Variants in ZMYND12 observed in about 807,000 individuals in gnomAD.
ZMYND12 encodes zinc finger MYND-type containing 12, also known as zinc finger MYND domain-containing protein 12.
Under a neutral mutation model 41.7 loss-of-function variants are expected in ZMYND12, and 32 were observed. The observed-to-expected ratio is 0.77, with a 90% CI of 0.58 to 1.03. The LOEUF is 1.03. Ranked by LOEUF, ZMYND12 falls within the 50% of genes least tolerant of loss-of-function variation. The pLI is 0.00. For missense variants in ZMYND12, 424 were observed against 438.5 expected (o/e 0.97, Z 0.30); for synonymous variants, 148 against 164.8 (o/e 0.90, Z 0.78).
At chr1:42,448,436 G>T in intron 3 of ZMYND12, 31 bp downstream of exon 3, 1 of 1,546,552 alleles carries the variant, frequency 6.5e-7, no homozygotes, top group South Asian at 1.2e-5. Flanking sequence ...CCACTTAAGG[G>T]ATCCAAGGAT....
intron 2 of ZMYND12, 46 bp from the exon 3 acceptor site, chr1:42,448,684 G>A: frequency 6.5e-7 from 1 of 1,540,878 alleles, no homozygotes; most frequent in East Asian, 2.4e-5. Context: ...TAAAGTTAAA[G>A]GCAAAGGTGG....
Position 42,430,714 on chromosome 1 carries a change from T to C in ZMYND12, c.*22A>G. ...TCTTCAGTAGCCCCTGGAATAACCCTTGATGCAGAGCTCATGGGTCACTAA... is the reference window on the plus strand; with the variant it reads ...TCTTCAGTAGCCCCTGGAATAACCCCTGATGCAGAGCTCATGGGTCACTAA... On this transcript the variant is annotated 3_prime_UTR_variant, in exon 8 of 8. Transcript: ENST00000372565. The C allele has an allele frequency of 6.2e-7, 1 of 1,612,830 alleles. No homozygotes were observed. Among genetic ancestry groups the C allele is most frequent in the Non-Finnish European group, 8.5e-7 (1 of 1,178,906 alleles).
intron 5 of ZMYND12, among the ~76,000 whole-genome samples, chr1:42,436,152 C>A (rs144727220): frequency 2.0e-5 from 3 of 152,300 alleles, no homozygotes; most frequent in Admixed American, 6.5e-5. Flanking sequence ...AACAGTCTAT[C>A]TGAAGGGGTT....
At position 42,448,487 on chromosome 1, in the gene ZMYND12, A is replaced by C; in HGVS notation, c.404T>G (p.Leu135Arg). Residue 135 changes from leucine (L) to arginine (R), a missense_variant, in exon 3 of 8, where the codon CTG (leucine) becomes CGG (arginine). Leu to Arg is a moderately radical substitution (Grantham distance 102). Transcript: ENST00000372565. Reference protein sequence around the residue: ...SSVELVPAYLLLAEASLGLGR... With the variant: ...SSVELVPAYLRLAEASLGLGR... ...CTCACCAAGGCTGGCCTCGGCCAACAGCAGGTAAGCAGGCACAAGCTCTAC... is the reference window on the plus strand; with the variant it reads ...CTCACCAAGGCTGGCCTCGGCCAACCGCAGGTAAGCAGGCACAAGCTCTAC... 1 of 1,601,836 alleles carries C rather than the reference A, an allele frequency of 6.2e-7. No individual in the cohort carries two copies. The highest frequency in any genetic ancestry group is 8.5e-7 in the Non-Finnish European group (1 of 1,173,558).
rs1557765527 is a variant in ZMYND12 at position 42,433,162 on chromosome 1, A to G, written c.956T>C (p.Leu319Pro). 6.2e-7 allele frequency: 1 copy of G among 1,609,730 alleles called. No homozygotes were observed. Among genetic ancestry groups the G allele is most frequent in the Non-Finnish European group, 8.5e-7 (1 of 1,178,602 alleles). The change falls in exon 7 of 8, where the codon CTG becomes CCG. Residue 319 changes from leucine (L) to proline (P), a missense_variant. By Grantham distance (98) the Leu-to-Pro change is moderately conservative (BLOSUM62 -3). Transcript: ENST00000372565. ...ACTTGCCTTTGAAGAATTCATCATC[A>G]GGTAGTAAAACATGACCAGGATCTT... ...VLKILVMFYY[L>P]MMNSSKAQEY...
chr1:42,436,389 T>C, intron 5 of ZMYND12, 32 bp downstream of exon 5: 1 of 1,611,148 alleles, frequency 6.2e-7, no homozygotes, highest in Non-Finnish European at 8.5e-7. Context: ...AGCCTAAGAG[T>C]GAAGGCTCAG....
chr1:42,439,624 G>T (rs1642945661), intron 4 of ZMYND12, among the ~76,000 whole-genome samples: 1 of 152,132 alleles, frequency 6.6e-6, no homozygotes, highest in Non-Finnish European at 1.5e-5. Context: ...CAGGGCAACT[G>T]AAACTTCAGG....
chr1:42,448,542 A>C lies in ZMYND12; in HGVS notation c.349T>G (p.Phe117Val), dbSNP rs779489917. Residue 117 changes from phenylalanine (F) to valine (V), a missense_variant, in exon 3 of 8, where the codon TTC (phenylalanine) becomes GTC (valine). Phe to Val is a conservative substitution (Grantham distance 50). Transcript: ENST00000372565. ...AVPAALQSLR[F>V]RVKLYGLSSV... Reference sequence around the variant, plus strand: ...CTCAGGCCATACAGCTTCACACGGAAGCGAAGGGACTGCAAAGCTGCTGGT... The same window carrying C: ...CTCAGGCCATACAGCTTCACACGGACGCGAAGGGACTGCAAAGCTGCTGGT... 2 of 1,613,962 alleles carry C rather than the reference A, an allele frequency of 1.2e-6. No individual in the cohort carries two copies. The highest frequency in any genetic ancestry group is 2.2e-5 in the South Asian group (2 of 91,022).
chr1:42,432,083 A>C lies in ZMYND12; in HGVS notation c.975+1060T>G, dbSNP rs144304109. On this transcript the variant is annotated intron_variant, in intron 7 of 7. Coordinates refer to ENST00000372565, the MANE Select transcript of ZMYND12 (RefSeq NM_032257.5). ...TTCTTTTTTTTTTTTTTGAGACAGGATCTTGCTCTGTCACCCAGGCTAGAG... is the reference window on the plus strand; with the variant it reads ...TTCTTTTTTTTTTTTTTGAGACAGGCTCTTGCTCTGTCACCCAGGCTAGAG... Among the ~76,000 whole-genome samples the C allele has an allele frequency of 5.6e-3, 700 of 125,210 alleles. 7 individuals carry two copies. Among genetic ancestry groups the C allele is most frequent in the African/African-American group, 0.018 (578 of 32,990 alleles). The allele number at this position is 125,210 out of a possible 152,430, so 82.1% of individuals were successfully genotyped here. A position where few individuals can be genotyped will look rare whatever the true frequency, so the allele number is the denominator to read the frequency against.
At chr1:42,444,863 A>G (rs1222595044) in intron 3 of ZMYND12, among the ~76,000 whole-genome samples, 5 of 92,580 alleles carry the variant, frequency 5.4e-5, no homozygotes, top group African/African-American at 2.4e-4. Flanking sequence ...GGAGTGCAGT[A>G]GTGGTGCGAT....
At chr1:42,453,701 C>T (rs61378528) in intron 1 of ZMYND12, among the ~76,000 whole-genome samples, 1,850 of 152,294 alleles carry the variant, frequency 0.012, 32 homozygotes, top group African/African-American at 0.041. Context: ...GAATCTTTCC[C>T]AAGCCTGAGT....
intron 6 of ZMYND12, among the ~76,000 whole-genome samples, chr1:42,434,759 C>T (rs774611686): frequency 6.6e-6 from 1 of 151,842 alleles, no homozygotes; most frequent in Non-Finnish European, 1.5e-5. Context: ...AAGCTCAGGG[C>T]TCCCACTGAT....
chr1:42,446,634 A>T (rs11210646), intron 3 of ZMYND12, among the ~76,000 whole-genome samples: 286 of 148,584 alleles, frequency 1.9e-3, no homozygotes, highest in Non-Finnish European at 3.2e-3. Flanking sequence ...CCTGGGTGAC[A>T]GAGTGAGACT....
chr1:42,439,212 A>G (rs953722171), intron 4 of ZMYND12, among the ~76,000 whole-genome samples: 1 of 136,320 alleles, frequency 7.3e-6, no homozygotes, highest in African/African-American at 2.8e-5. Flanking sequence ...CAAATTTTCC[A>G]AGACGATGTG....
chr1:42,441,058 G>T (rs796500720), intron 3 of ZMYND12, among the ~76,000 whole-genome samples: 1 of 152,158 alleles, frequency 6.6e-6, no homozygotes, highest in Non-Finnish European at 1.5e-5. Context: ...CCCTTTCTGT[G>T]CCAGGCCTTG....
intron 1 of ZMYND12, among the ~76,000 whole-genome samples, chr1:42,453,112 TC>T (rs1181444515): frequency 6.6e-6 from 1 of 152,104 alleles, no homozygotes; most frequent in Non-Finnish European, 1.5e-5. Context: ...CATTCGACCA[TC>T]AAAACCTATA....
intron 3 of ZMYND12, among the ~76,000 whole-genome samples, chr1:42,442,930 C>G (rs563858552): frequency 3.9e-4 from 60 of 152,324 alleles, no homozygotes; most frequent in African/African-American, 1.3e-3. Flanking sequence ...CAAGTCACAT[C>G]TTCCCTCCAG....
At chr1:42,432,134 G>A (rs563763341) in intron 7 of ZMYND12, among the ~76,000 whole-genome samples, 11 of 148,420 alleles carry the variant, frequency 7.4e-5, no homozygotes, top group Non-Finnish European at 1.3e-4. Flanking sequence ...ACGGCTCACT[G>A]CAGCCTCAAT....
chr1:42,454,074 G>A (rs1643114954), intron 1 of ZMYND12, among the ~76,000 whole-genome samples: 1 of 152,194 alleles, frequency 6.6e-6, no homozygotes, highest in Non-Finnish European at 1.5e-5. Context: ...AGGATGAAAG[G>A]GAGCCAGGAA....
Sources: allele counts gnomAD v4.1 joint callset (sites outside exome capture counted in the v4.1 genomes callset), GRCh38; gene constraint gnomAD v4.1.1; transcripts MANE v1.5; gene names NCBI Gene and HGNC (gene_info 2026-07-23, HGNC 2026-07-21).